The following IRS1 variants were observed in gnomAD, a reference collection of about 807,000 sequenced individuals.
IRS1 encodes the protein insulin receptor substrate 1.
A neutral mutation model predicts 65.6 loss-of-function variants in IRS1; 34 were observed. That is an observed-to-expected ratio of 0.52 (90% CI 0.39 to 0.69). The LOEUF (loss-of-function observed/expected upper bound fraction) is 0.69, where lower values mean the gene tolerates loss of function less well. Ranked by LOEUF, IRS1 falls within the 30% of genes least tolerant of loss-of-function variation. The pLI is 0.00. For synonymous variants in IRS1, 699 were observed against 683.5 expected (o/e 1.02, Z -0.35); for missense variants, 1,641 against 1,720.2 (o/e 0.95, Z 0.81).
Position 226,796,948 on chromosome 2 carries a change from C to G in IRS1, c.1791G>C (p.Gly597=), listed in dbSNP as rs746246665. ...GGGTGGAGCTGTCTGGGCGGTGGTGCCCCCCCCGACGCTCCAAGGGGTGCA... is the reference window on the plus strand; with the variant it reads ...GGGTGGAGCTGTCTGGGCGGTGGTGGCCCCCCCGACGCTCCAAGGGGTGCA... The part of the protein sequence containing the change: ...LEMHPLERRG[G]HHRPDSSTLH... Residue 597 remains glycine, a synonymous_variant, in exon 1 of 2, where the codon GGG becomes GGC. Coordinates refer to ENST00000305123, the MANE Select transcript of IRS1 (RefSeq NM_005544.3). The G allele has an allele frequency of 6.5e-7, 1 of 1,547,416 alleles. No homozygotes were observed.
rs199554914 is a variant in IRS1, at chr2:226,795,453, G to A, written c.3286C>T (p.Arg1096Trp). The change falls in exon 1 of 2, where the codon CGG becomes TGG. Residue 1096 changes from arginine to tryptophan, a missense_variant. Coordinates refer to ENST00000305123, the MANE Select transcript of IRS1 (RefSeq NM_005544.3). ...KVIRADPQGCRRRHSSETFSS... is the reference protein window; with the variant it reads ...KVIRADPQGCWRRHSSETFSS... ...AAAGTCTCGGAGCTATGCCTCCGCC[G>A]GCACCCTTGTGGGTCTGCACGGATC... is the stretch of plus-strand genomic sequence containing the variant. 10 of 1,613,532 alleles carry A rather than the reference G, an allele frequency of 6.2e-6. No homozygotes were observed. The highest frequency in any genetic ancestry group is 2.7e-5 in the African/African-American group (2 of 75,052).
intron 1 of IRS1, among the ~76,000 whole-genome samples, chr2:226,765,599 A>C (rs1488548271): frequency 6.6e-6 from 1 of 152,180 alleles, no homozygotes; most frequent in Non-Finnish European, 1.5e-5. Flanking sequence ...ACAGGAGTAA[A>C]GTATCCATGG....
At chr2:226,762,368 A>C (rs1371468019) in intron 1 of IRS1, among the ~76,000 whole-genome samples, 1 of 152,080 alleles carries the variant, frequency 6.6e-6, no homozygotes, top group Non-Finnish European at 1.5e-5. Flanking sequence ...AAAAAAAAAA[A>C]AAAAAGAGAG....
chr2:226,793,486 T>G (rs923968016), intron 1 of IRS1, among the ~76,000 whole-genome samples: 4 of 152,242 alleles, frequency 2.6e-5, no homozygotes, highest in Non-Finnish European at 5.9e-5. Context: ...ACTGATCAAA[T>G]AAATGCTTTT....
Position 226,781,621 on chromosome 2 carries a change from G to A in IRS1, c.*21+13368C>T, listed in dbSNP as rs528949236. On this transcript the variant is annotated intron_variant, in intron 1 of 1. Transcript: ENST00000305123. ...GAAGACACAATAACATTCCTCCAGCGAGCTTCAAGCTGGAGGCTAAAGCAC... is the reference window on the plus strand; with the variant it reads ...GAAGACACAATAACATTCCTCCAGCAAGCTTCAAGCTGGAGGCTAAAGCAC... Among the ~76,000 whole-genome samples the A allele has an allele frequency of 2.1e-4, 32 of 152,176 alleles. No individual in the cohort carries two copies. The South Asian group carries it at 3.7e-3, about 18-fold the overall frequency.
intron 1 of IRS1, among the ~76,000 whole-genome samples, chr2:226,747,787 T>C (rs1230861855): frequency 2.0e-5 from 3 of 152,040 alleles, no homozygotes; most frequent in Non-Finnish European, 4.4e-5. Flanking sequence ...AGGGTAATGG[T>C]TCTCAATTTG....
chr2:226,762,322 A>T (rs911373404), intron 1 of IRS1, among the ~76,000 whole-genome samples: 1 of 150,472 alleles, frequency 6.6e-6, no homozygotes, highest in African/African-American at 2.5e-5. Context: ...CTCTTGAGAT[A>T]TTACTATCTA....
chr2:226,764,935 G>A (rs1185997856), intron 1 of IRS1, among the ~76,000 whole-genome samples: 1 of 152,176 alleles, frequency 6.6e-6, no homozygotes, highest in East Asian at 1.9e-4. Flanking sequence ...GCTGTCGATA[G>A]TGTACTTAGA....
chr2:226,791,833 A>G (rs1207462527), intron 1 of IRS1, among the ~76,000 whole-genome samples: 1 of 151,648 alleles, frequency 6.6e-6, no homozygotes, highest in African/African-American at 2.4e-5. Flanking sequence ...CGGCCCGGGA[A>G]GGGGCCCCAC....
Position 226,799,713 on chromosome 2 carries a change from C to T in IRS1, c.-975G>A. On this transcript the variant is annotated 5_prime_UTR_variant, in exon 1 of 2. Transcript: ENST00000305123. The surrounding 1 kb of genome is among the most constrained non-coding windows in gnomAD (Gnocchi z 6.1). The stretch of plus-strand genomic sequence containing the variant: ...TGCCGAGAGCCCCAACCAAAACAAG[C>T]GGCGGCGTCTGGCTCTGCGCGCCGG... 1 of 999,894 alleles carries T rather than the reference C, an allele frequency of 1.0e-6. No homozygotes were observed. Among genetic ancestry groups the T allele is most frequent in the East Asian group, 1.1e-4 (1 of 8,800 alleles). The allele number at this position is 999,894 out of a possible 1,614,324, so 61.9% of individuals were successfully genotyped here.
At chr2:226,757,528 AT>A (rs1938829225) in intron 1 of IRS1, among the ~76,000 whole-genome samples, 1 of 152,186 alleles carries the variant, frequency 6.6e-6, no homozygotes, top group Non-Finnish European at 1.5e-5. Context: ...AGGCAAGAAA[AT>A]TGCTTGAACC....
chr2:226,754,034 T>C (rs943868059), intron 1 of IRS1, among the ~76,000 whole-genome samples: 1 of 152,104 alleles, frequency 6.6e-6, no homozygotes, highest in Non-Finnish European at 1.5e-5. Flanking sequence ...TTTTATTTTT[T>C]GTAGAGATGG....
rs1188313973 is a variant in IRS1, at chr2:226,798,675, G to A, written c.64C>T (p.Pro22Ser). ...AAGAAGCGTTTGTGCATGCTCTTGG[G>A]TTTGCGCAGGTAGCCCACCTTGCGC... ...DVRKVGYLRK[P>S]KSMHKRFFVL... The change falls in exon 1 of 2, where the codon CCC becomes TCC. Residue 22 changes from proline to serine, a missense_variant. Physicochemically the swap from Pro to Ser is moderately conservative, Grantham distance 74. Transcript: ENST00000305123. The surrounding 1 kb of genome is among the most constrained non-coding windows in gnomAD (Gnocchi z 9.4). 6.2e-7 allele frequency: 1 copy of A among 1,613,226 alleles called. No homozygotes were observed.
rs140103054 is a variant in IRS1, at chr2:226,799,139, A to AGCGC, written c.-405_-402dup. 22 of 1,118,570 alleles carry AGCGC rather than the reference A, an allele frequency of 2.0e-5. No individual in the cohort carries two copies. The highest frequency in any genetic ancestry group is 7.8e-5 in the East Asian group (1 of 12,880). 69.3% of individuals were successfully genotyped at this position (1,118,570 alleles called of 1,614,324 possible). A position where few individuals can be genotyped will look rare whatever the true frequency, so the allele number is the denominator to read the frequency against. On this transcript the variant is annotated 5_prime_UTR_variant, in exon 1 of 2. The change abolishes the stop of an existing upstream ORF in the 5' untranslated region. Coordinates refer to ENST00000305123, the MANE Select transcript of IRS1 (RefSeq NM_005544.3). This position sits in a 1 kb window ranked among gnomAD's most constrained non-coding sequence, Gnocchi z 6.1. ...GGGGTCCCTGCGGTGCCCCTCCAGG[A>AGCGC]GCGCGCGCGCGCGCGCGCCTTCCCT...
intron 1 of IRS1, among the ~76,000 whole-genome samples, chr2:226,789,330 G>A (rs576158360): frequency 5.1e-4 from 78 of 152,260 alleles, no homozygotes; most frequent in Middle Eastern, 6.8e-3. Context: ...TGAATATATT[G>A]GCAACTCAAC....
At position 226,797,834 on chromosome 2, in the gene IRS1, C is replaced by T. The variant is rs749719080; in HGVS notation, c.905G>A (p.Arg302Gln). Residue 302 changes from arginine to glutamine, a missense_variant, in exon 1 of 2, where the codon CGA becomes CAA. Physicochemically the swap from Arg to Gln is conservative, Grantham distance 43. This residue lies in a region of IRS1 where 1,324 missense variants were observed against 1,361.0 expected (regional missense o/e 0.97). Transcript: ENST00000305123. This position sits in a 1 kb window ranked among gnomAD's most constrained non-coding sequence, Gnocchi z 8.1. ...GGCGGTGATGCTCTCAGTGCGTGAT[C>T]GGCGGGTCAGCCCCACCTGGCTGGG... ...PPPSQVGLTR[R>Q]SRTESITATS... is the part of the protein sequence containing the mutation. 6.9e-6 allele frequency: 11 copies of T among 1,598,516 alleles called. No individual in the cohort carries two copies. Among genetic ancestry groups the T allele is most frequent in the African/African-American group, 4.0e-5 (3 of 74,808 alleles).
At chr2:226,763,339 C>A (rs1938958096) in intron 1 of IRS1, among the ~76,000 whole-genome samples, 1 of 152,126 alleles carries the variant, frequency 6.6e-6, no homozygotes, top group South Asian at 2.1e-4. Flanking sequence ...TTGAATTACA[C>A]AAGATTCTCA....
chr2:226,781,381 GGTGA>G (rs919191523), intron 1 of IRS1, among the ~76,000 whole-genome samples: 26 of 152,274 alleles, frequency 1.7e-4, no homozygotes, highest in African/African-American at 6.0e-4. Flanking sequence ...TTCCTAAAGT[GGTGA>G]GTAACAGTAA....
chr2:226,739,614 G>C (rs890767946), intron 1 of IRS1, among the ~76,000 whole-genome samples: 1 of 152,128 alleles, frequency 6.6e-6, no homozygotes, highest in Admixed American at 6.6e-5. Flanking sequence ...TTCCGAAACC[G>C]AAGTTCCAAA....
Sources: allele counts gnomAD v4.1 joint callset (sites outside exome capture counted in the v4.1 genomes callset), GRCh38; gene constraint gnomAD v4.1.1; regional missense constraint gnomAD v4.1.1; non-coding constraint Gnocchi (gnomAD v3.1); transcripts MANE v1.5; gene names NCBI Gene and HGNC (gene_info 2026-07-23, HGNC 2026-07-21).